The following TRIT1 variants were observed in gnomAD, a reference collection of about 807,000 sequenced individuals.
TRIT1 encodes the protein tRNA dimethylallyltransferase.
TRIT1 carries 43 observed loss-of-function variants against 51.2 expected under a neutral mutation model. The observed-to-expected ratio is 0.84, with a 90% CI of 0.66 to 1.08. The LOEUF (loss-of-function observed/expected upper bound fraction) is 1.08. TRIT1 is among the 50% of genes least tolerant of loss of function. The probability of loss-of-function intolerance (pLI) is 0.00; values close to 1 mark genes in which losing one functional copy is unlikely to be tolerated. For synonymous variants in TRIT1, 184 were observed against 203.9 expected, an observed-to-expected ratio of 0.90 and a Z score of 0.83; for missense variants, 528 against 578.4, an observed-to-expected ratio of 0.91 and a Z score of 0.89.
rs376611918 is a variant in TRIT1 at position 39,862,978 on chromosome 1, C to T, written c.175-5561G>A. 6 of 984,684 alleles carry T rather than the reference C, an allele frequency of 6.1e-6. No individual in the cohort carries two copies. In the East Asian group the frequency reaches 4.5e-4, roughly 74 times the overall value. 61.0% of individuals were successfully genotyped at this position (984,684 alleles called of 1,614,324 possible). ...ATTTGGAATGAAATGCTTTTCTCTG[C>T]ACAAACCATATTTTGACAACTAAGG... On this transcript the variant is annotated intron_variant, in intron 1 of 10. Coordinates refer to ENST00000316891, the MANE Select transcript of TRIT1 (RefSeq NM_017646.6).
intron 1 of TRIT1, among the ~76,000 whole-genome samples, chr1:39,868,656 A>AAC (rs2124657235): frequency 6.6e-6 from 1 of 151,668 alleles, no homozygotes; most frequent in African/African-American, 2.4e-5. Flanking sequence ...AAAAAAAAAA[A>AAC]AAAAAACTCT....
At chr1:39,869,618 G>C (rs1643762698) in intron 1 of TRIT1, among the ~76,000 whole-genome samples, 1 of 151,986 alleles carries the variant, frequency 6.6e-6, no homozygotes, top group Admixed American at 6.5e-5. Flanking sequence ...GGGAAGTGAG[G>C]AGCGCCTCTT....
At chr1:39,861,930 A>C (rs1279377632) in intron 1 of TRIT1, among the ~76,000 whole-genome samples, 1 of 151,878 alleles carries the variant, frequency 6.6e-6, no homozygotes, top group Non-Finnish European at 1.5e-5. Flanking sequence ...TCTCAAAAAA[A>C]AAAAAAAAAG....
chr1:39,849,672 T>A (rs146675303), intron 5 of TRIT1, among the ~76,000 whole-genome samples: 32 of 152,372 alleles, frequency 2.1e-4, no homozygotes, highest in African/African-American at 7.0e-4. Flanking sequence ...GCTTACTGAA[T>A]GTTTGCTGGA....
At chr1:39,848,160 G>A in intron 5 of TRIT1, 63 bp from the exon 6 acceptor site, 1 of 1,232,260 alleles carries the variant, frequency 8.1e-7, no homozygotes, top group Non-Finnish European at 1.2e-6. Context: ...ATACTTACAT[G>A]ACGAGTGAAC....
intron 1 of TRIT1, among the ~76,000 whole-genome samples, chr1:39,861,090 A>G (rs1257067999): frequency 6.6e-6 from 1 of 152,218 alleles, no homozygotes; most frequent in Non-Finnish European, 1.5e-5. Flanking sequence ...AAAGACATGG[A>G]TGTACTTCAC....
chr1:39,879,418 C>T (rs897689631), intron 1 of TRIT1, among the ~76,000 whole-genome samples: 1 of 151,970 alleles, frequency 6.6e-6, no homozygotes, highest in Non-Finnish European at 1.5e-5. Context: ...TATTCTAAGA[C>T]CTTAGGCCTA....
At chr1:39,862,385 A>C (rs1643303373) in intron 1 of TRIT1, among the ~76,000 whole-genome samples, 1 of 152,078 alleles carries the variant, frequency 6.6e-6, no homozygotes, top group African/African-American at 2.4e-5. Context: ...GCAGCAATGA[A>C]ATAAAATTTT....
At chr1:39,865,681 A>G (rs1387968109) in intron 1 of TRIT1, among the ~76,000 whole-genome samples, 1 of 148,112 alleles carries the variant, frequency 6.8e-6, no homozygotes, top group Non-Finnish European at 1.5e-5. Context: ...CAAAAAAAAA[A>G]AAAAAAAAAG....
intron 1 of TRIT1, among the ~76,000 whole-genome samples, chr1:39,882,466 T>C (rs1490046692): frequency 1.3e-5 from 2 of 152,208 alleles, no homozygotes; most frequent in Admixed American, 6.5e-5. Context: ...CTGTAGTTCC[T>C]CCATCAGAGA....
At chr1:39,842,278 T>C (rs369564584) in intron 10 of TRIT1, among the ~76,000 whole-genome samples, 60 of 152,352 alleles carry the variant, frequency 3.9e-4, no homozygotes, top group African/African-American at 1.4e-3. Context: ...CTCTTCTACT[T>C]AGACCTATAG....
chr1:39,856,014 A>G (rs1317314595), intron 2 of TRIT1, among the ~76,000 whole-genome samples: 1 of 151,906 alleles, frequency 6.6e-6, no homozygotes, highest in Non-Finnish European at 1.5e-5. Context: ...CATCTCTACA[A>G]AAAATAAAAT....
At chr1:39,849,025 C>T (rs1235861128) in intron 5 of TRIT1, among the ~76,000 whole-genome samples, 1 of 151,962 alleles carries the variant, frequency 6.6e-6, no homozygotes, top group African/African-American at 2.4e-5. Context: ...CAATTTATGG[C>T]AGATTAATTT....
At chr1:39,865,603 G>A (rs1485155855) in intron 1 of TRIT1, among the ~76,000 whole-genome samples, 2 of 148,372 alleles carry the variant, frequency 1.3e-5, no homozygotes, top group Non-Finnish European at 3.0e-5. Flanking sequence ...GTGGGTGGCT[G>A]AGGCAGGCAG....
At chr1:39,864,837 C>G (rs533114489) in intron 1 of TRIT1, among the ~76,000 whole-genome samples, 1 of 152,228 alleles carries the variant, frequency 6.6e-6, no homozygotes, top group Admixed American at 6.5e-5. Flanking sequence ...GCTCTGAGTG[C>G]TGGCTGTGAT....
rs1422007437 is a variant in TRIT1 at position 39,838,273 on chromosome 1, C to T, written c.*3471G>A. On this transcript the variant is annotated 3_prime_UTR_variant, in exon 11 of 11. Transcript: ENST00000316891. ...ACAGAAATTCCTGCTGGTGGCTATC[C>T]CAAAATTTCTTCATCCTGGTTAAAA... Among the ~76,000 whole-genome samples, 2 of 152,118 alleles carry T rather than the reference C, an allele frequency of 1.3e-5. No homozygotes were observed. The highest frequency in any genetic ancestry group is 4.8e-5 in the African/African-American group (2 of 41,420).
chr1:39,875,370 C>T (rs1440518725), intron 1 of TRIT1, among the ~76,000 whole-genome samples: 1 of 152,170 alleles, frequency 6.6e-6, no homozygotes, highest in African/African-American at 2.4e-5. Flanking sequence ...CGTCTGTAAT[C>T]CCAGCTACTC....
At chr1:39,876,995 C>T in intron 1 of TRIT1, among the ~76,000 whole-genome samples, 1 of 136,116 alleles carries the variant, frequency 7.3e-6, no homozygotes, top group Admixed American at 7.7e-5. Context: ...AGATAGACCC[C>T]TTTTCTCCTG....
intron 1 of TRIT1, among the ~76,000 whole-genome samples, chr1:39,873,828 A>G (rs1643956285): frequency 6.6e-6 from 1 of 152,130 alleles, no homozygotes. Flanking sequence ...GTTCGAGACC[A>G]GCCTGACCCA....
Sources: gnomAD v4.1 joint callset for allele counts (sites outside exome capture counted in the v4.1 genomes callset) on GRCh38, gnomAD v4.1.1 for gene constraint, MANE v1.5 for transcripts, NCBI Gene and HGNC (gene_info 2026-07-23, HGNC 2026-07-21) for gene names.